The following ITIH2 variants were observed in gnomAD, a reference collection of about 807,000 sequenced individuals.
ITIH2 encodes the protein inter-alpha-trypsin inhibitor heavy chain 2.
Under a neutral mutation model 104.4 loss-of-function variants are expected in ITIH2, and 103 were observed. That is an observed-to-expected ratio of 0.99 (90% CI 0.84 to 1.16). The LOEUF is 1.16. Among genes scored for constraint, ITIH2 ranks in the 50% most tolerant of loss-of-function variants. The probability of loss-of-function intolerance (pLI) is 0.00; values close to 1 mark genes in which losing one functional copy is unlikely to be tolerated. For missense variants in ITIH2, 1,108 were observed against 1,162.4 expected (o/e 0.95, Z 0.68); for synonymous variants, 436 against 435.4 (o/e 1.00, Z -0.02).
intron 19 of ITIH2, among the ~76,000 whole-genome samples, chr10:7,745,167 A>G (rs939322936): frequency 3.9e-5 from 6 of 152,180 alleles, no homozygotes; most frequent in African/African-American, 1.2e-4. Flanking sequence ...CCAGGATTTC[A>G]GCATCACAAA....
chr10:7,707,517 A>G (rs1168053833), intron 3 of ITIH2, among the ~76,000 whole-genome samples: 1 of 151,820 alleles, frequency 6.6e-6, no homozygotes, highest in African/African-American at 2.4e-5. Context: ...TTATGTATTT[A>G]TTCCTACTCA....
At chr10:7,742,551 G>A (rs536996474) in intron 16 of ITIH2, among the ~76,000 whole-genome samples, 230 of 152,120 alleles carry the variant, frequency 1.5e-3, no homozygotes, top group African/African-American at 5.3e-3. Context: ...CACTAGCCTG[G>A]GAAACAAAGT....
Position 7,720,855 on chromosome 10 carries a change from G to T in ITIH2, c.631-1G>T, listed in dbSNP as rs752194428. The T allele has an allele frequency of 6.3e-7, 1 of 1,584,178 alleles. No homozygotes were observed. Among genetic ancestry groups the T allele is most frequent in the Non-Finnish European group, 8.7e-7 (1 of 1,152,914 alleles). ...TGGGTAATTTTCTCTTGCATCTCTA[G>T]GTAGATGTGTGGGTTATCGAACCAC... On this transcript the variant is annotated splice_acceptor_variant, in intron 6 of 20. Coordinates refer to ENST00000358415, the MANE Select transcript of ITIH2 (RefSeq NM_002216.3). LOFTEE classifies it high-confidence loss of function.
chr10:7,728,341 TC>T (rs746523103), intron 11 of ITIH2, among the ~76,000 whole-genome samples: 1 of 152,134 alleles, frequency 6.6e-6, no homozygotes, highest in Non-Finnish European at 1.5e-5. Flanking sequence ...CAGCAACATC[TC>T]CCTACTTCTA....
In ITIH2 at chr10:7,732,180, G is replaced by A. The variant is rs2298317; in HGVS notation, c.1648-158G>A. ...CATAAATCCTGACCTTTTCACCCAA[G>A]CCCAATCCCAAGCACAGGAATGCAT... On this transcript the variant is annotated intron_variant, in intron 13 of 20. Transcript: ENST00000358415. 8.5e-4 allele frequency among the ~76,000 whole-genome samples: 130 copies of A among 152,262 alleles called. 3 individuals carry two copies. In the East Asian group the frequency reaches 0.023, roughly 28 times the overall value.
At chr10:7,734,800 T>C in intron 14 of ITIH2, 122 bp from the exon 15 acceptor site, 1 of 726,204 alleles carries the variant, frequency 1.4e-6, no homozygotes, top group South Asian at 2.0e-5. Context: ...CCAGTTACTT[T>C]GCGGCTCCGC....
chr10:7,733,359 G>A (rs1835022553), intron 14 of ITIH2, among the ~76,000 whole-genome samples: 1 of 152,078 alleles, frequency 6.6e-6, no homozygotes, highest in Admixed American at 6.5e-5. Context: ...GCTTCCTAAT[G>A]TGCTGGGATT....
At chr10:7,703,541 T>C (rs550331397) in intron 1 of ITIH2, 23 bp downstream of exon 1, 129 of 1,466,206 alleles carry the variant, frequency 8.8e-5, no homozygotes, top group Admixed American at 2.0e-4. Context: ...AGATCACTCC[T>C]TGCTGTTGGC....
chr10:7,718,298 G>A (rs1164570195), intron 6 of ITIH2, among the ~76,000 whole-genome samples: 1 of 152,038 alleles, frequency 6.6e-6, no homozygotes, highest in Non-Finnish European at 1.5e-5. Context: ...ATTAGATTTG[G>A]GGTCCACCAG....
intron 14 of ITIH2, among the ~76,000 whole-genome samples, chr10:7,733,693 G>A (rs1835024965): frequency 6.6e-6 from 1 of 152,126 alleles, no homozygotes; most frequent in Admixed American, 6.5e-5. Context: ...TATCCCCAGA[G>A]CAATGGATGG....
intron 3 of ITIH2, among the ~76,000 whole-genome samples, chr10:7,708,688 A>G: frequency 6.6e-6 from 1 of 152,038 alleles, no homozygotes; most frequent in East Asian, 1.9e-4. Context: ...ATTTGGAGTT[A>G]TTACCTGGAC....
At chr10:7,714,165 A>ATTTTTTTTTTTT (rs996413668) in intron 5 of ITIH2, among the ~76,000 whole-genome samples, 4 of 84,028 alleles carry the variant, frequency 4.8e-5, no homozygotes, top group African/African-American at 1.5e-4. Context: ...CACACTCACT[A>ATTTTTTTTTTTT]TTTTTTTTTT....
chr10:7,739,515 G>C (rs998783456), intron 16 of ITIH2, among the ~76,000 whole-genome samples: 3 of 152,046 alleles, frequency 2.0e-5, no homozygotes, highest in African/African-American at 7.2e-5. Flanking sequence ...CCTCAAAGCT[G>C]GTTCTCCAGG....
At chr10:7,707,911 G>C (rs1588449159) in intron 3 of ITIH2, among the ~76,000 whole-genome samples, 1 of 152,292 alleles carries the variant, frequency 6.6e-6, no homozygotes, top group South Asian at 2.1e-4. Flanking sequence ...GAAAATAAAA[G>C]AGTGCCCGTG....
At chr10:7,704,996 A>G in intron 1 of ITIH2, 112 bp from the exon 2 acceptor site, 1 of 661,296 alleles carries the variant, frequency 1.5e-6, no homozygotes, top group Non-Finnish European at 2.6e-6. Context: ...GGTGTAGCAA[A>G]CCAACATGGC....
intron 4 of ITIH2, among the ~76,000 whole-genome samples, chr10:7,712,650 G>A (rs1282471888): frequency 1.3e-5 from 2 of 152,128 alleles, no homozygotes; most frequent in African/African-American, 4.8e-5. Flanking sequence ...AAGGTTTTAG[G>A]ATGGGAGCCT....
intron 15 of ITIH2, among the ~76,000 whole-genome samples, chr10:7,737,152 C>A (rs965257316): frequency 6.6e-6 from 1 of 151,224 alleles, no homozygotes; most frequent in Non-Finnish European, 1.5e-5. Context: ...AAGAACTGGC[C>A]TTCTGCTTGT....
chr10:7,745,784 C>G (rs117692459), intron 19 of ITIH2, among the ~76,000 whole-genome samples: 3,348 of 151,060 alleles, frequency 0.022, 58 homozygotes, highest in Non-Finnish European at 0.032. Context: ...GATGGAGTTT[C>G]TCTCTTGTTG....
chr10:7,727,769 T>G lies in ITIH2; in HGVS notation c.1220T>G (p.Leu407Arg). ...FILNEANNLG[L>R]LDPNSVSLII... ...TTGAATGAAGCCAATAACTTGGGAC[T>G]GTTAGACCCCAACTCCGTCTCGCTG... Residue 407 changes from leucine to arginine, a missense_variant, in exon 11 of 21, where the codon CTG (leucine) becomes CGG (arginine). By Grantham distance (102) the Leu-to-Arg change is moderately radical. Coordinates refer to ENST00000358415, the MANE Select transcript of ITIH2 (RefSeq NM_002216.3). The G allele has an allele frequency of 6.2e-7, 1 of 1,614,186 alleles. No homozygotes were observed. The highest frequency in any genetic ancestry group is 8.5e-7 in the Non-Finnish European group (1 of 1,179,990).
Sources: gnomAD v4.1 joint callset for allele counts (sites outside exome capture counted in the v4.1 genomes callset) on GRCh38, gnomAD v4.1.1 for gene constraint, MANE v1.5 for transcripts, NCBI Gene and HGNC (gene_info 2026-07-23, HGNC 2026-07-21) for gene names.